The following CAMK1D variants were observed in gnomAD, a reference collection of about 807,000 sequenced individuals.
The protein encoded by CAMK1D is calcium/calmodulin-dependent protein kinase type 1D.
In CAMK1D, 9 loss-of-function variants were observed where a neutral mutation model predicts 47.7. That is an observed-to-expected ratio of 0.19 (90% CI 0.11 to 0.33). The LOEUF is 0.33. CAMK1D is among the 10% of genes least tolerant of loss of function. The pLI is 1.00. For synonymous variants in CAMK1D, 184 were observed against 184.9 expected, an observed-to-expected ratio of 0.99 and a Z score of 0.04; for missense variants, 291 against 488.7, an observed-to-expected ratio of 0.60 and a Z score of 3.81.
Position 12,741,488 on chromosome 10 carries a change from C to G in CAMK1D, c.300-19460C>G, listed in dbSNP as rs185424015. 4.1e-3 allele frequency among the ~76,000 whole-genome samples: 624 copies of G among 152,324 alleles called. 8 individuals carry two copies. Among genetic ancestry groups the G allele is most frequent in the African/African-American group, 0.014 (580 of 41,576 alleles). ...TGCCTTGCTCTGTTTCCATGGACAA[C>G]AAATTTTGTATTGGCTACAGTCTGT... On this transcript the variant is annotated intron_variant, in intron 3 of 10. Transcript: ENST00000619168.
intron 1 of CAMK1D, among the ~76,000 whole-genome samples, chr10:12,480,403 C>A (rs138178548): frequency 6.6e-6 from 1 of 152,046 alleles, no homozygotes; most frequent in Non-Finnish European, 1.5e-5. Context: ...CCACTGCACT[C>A]CAGCTTGAGC....
intron 1 of CAMK1D, among the ~76,000 whole-genome samples, chr10:12,366,057 A>G (rs975639296): frequency 1.3e-5 from 2 of 152,240 alleles, no homozygotes; most frequent in Admixed American, 6.5e-5. Context: ...CTCCGTCTCA[A>G]AAAAACACGT....
chr10:12,818,358 T>A (rs1832886434), intron 8 of CAMK1D, among the ~76,000 whole-genome samples: 1 of 152,226 alleles, frequency 6.6e-6, no homozygotes, highest in African/African-American at 2.4e-5. Context: ...GAAGTTGTAT[T>A]TTCATTTCAG....
At chr10:12,522,662 T>G (rs989654287) in intron 1 of CAMK1D, among the ~76,000 whole-genome samples, 6 of 151,890 alleles carry the variant, frequency 4.0e-5, no homozygotes, top group Non-Finnish European at 5.9e-5. Context: ...CCCTTTTCTA[T>G]TCCACAAAAC....
At chr10:12,825,735 C>T (rs773547418) in intron 10 of CAMK1D, 45 bp downstream of exon 10, 30 of 1,613,224 alleles carry the variant, frequency 1.9e-5, no homozygotes, top group Non-Finnish European at 2.3e-5. Context: ...ACACTGAAGA[C>T]GAGCCTGGGG....
intron 3 of CAMK1D, among the ~76,000 whole-genome samples, chr10:12,680,721 AAGCATTTAGAATTCTGCT>A (rs1248500893): frequency 6.6e-6 from 1 of 152,002 alleles, no homozygotes; most frequent in Non-Finnish European, 1.5e-5. Context: ...GGTTTGAAGG[AAGCATTTAGAATTCTGCT>A]AGATCCCCTT....
intron 2 of CAMK1D, among the ~76,000 whole-genome samples, chr10:12,601,928 A>G (rs1838316348): frequency 6.6e-6 from 1 of 152,224 alleles, no homozygotes; most frequent in African/African-American, 2.4e-5. Context: ...GGAAACAGGA[A>G]GAAGCCCCCT....
At chr10:12,741,225 C>T (rs915737851) in intron 3 of CAMK1D, among the ~76,000 whole-genome samples, 5 of 152,234 alleles carry the variant, frequency 3.3e-5, no homozygotes, top group African/African-American at 1.2e-4. Flanking sequence ...CTCATCACCT[C>T]TCTGAGAGCC....
chr10:12,384,995 T>C (rs1405444592), intron 1 of CAMK1D, among the ~76,000 whole-genome samples: 2 of 152,178 alleles, frequency 1.3e-5, no homozygotes, highest in Non-Finnish European at 2.9e-5. Context: ...AGAAGGTACA[T>C]GAAAAGATGC....
At chr10:12,513,822 C>T (rs970999434) in intron 1 of CAMK1D, among the ~76,000 whole-genome samples, 1 of 151,970 alleles carries the variant, frequency 6.6e-6, no homozygotes, top group Non-Finnish European at 1.5e-5. Flanking sequence ...AAATCAAAAA[C>T]GATGTGATCA....
At chr10:12,485,849 C>T (rs897509600) in intron 1 of CAMK1D, among the ~76,000 whole-genome samples, 10 of 152,148 alleles carry the variant, frequency 6.6e-5, no homozygotes, top group Non-Finnish European at 1.2e-4. Context: ...TGTGAGTATG[C>T]GTCTGTCTCT....
At chr10:12,496,993 G>A (rs1445972857) in intron 1 of CAMK1D, among the ~76,000 whole-genome samples, 1 of 152,174 alleles carries the variant, frequency 6.6e-6, no homozygotes, top group Non-Finnish European at 1.5e-5. Flanking sequence ...TGCGGTGTTT[G>A]GTTTCCTGTT....
In CAMK1D at chr10:12,635,220, G is replaced by C. The variant is rs117506732; in HGVS notation, c.225-31516G>C. Reference sequence around the variant, plus strand: ...GCATAGTGAGAGCCTGGGTATACCTGCCCCGTGGCTGCCCAGGTCTGACCC... The same window carrying C: ...GCATAGTGAGAGCCTGGGTATACCTCCCCCGTGGCTGCCCAGGTCTGACCC... On this transcript the variant is annotated intron_variant, in intron 2 of 10. Transcript: ENST00000619168. Among the ~76,000 whole-genome samples the C allele has an allele frequency of 1.3e-4, 20 of 152,286 alleles. No homozygotes were observed. In the East Asian group the frequency reaches 3.7e-3, roughly 28 times the overall value.
rs529988277 is a variant in CAMK1D at position 12,744,188 on chromosome 10, C to A, written c.300-16760C>A. 2.6e-5 allele frequency among the ~76,000 whole-genome samples: 4 copies of A among 152,170 alleles called. No homozygotes were observed. The South Asian group carries it at 8.3e-4, about 32-fold the overall frequency. On this transcript the variant is annotated intron_variant, in intron 3 of 10. Coordinates refer to ENST00000619168, the MANE Select transcript of CAMK1D (RefSeq NM_153498.4). Reference sequence around the variant, plus strand: ...CGTTTCTTTTTATGGCTAAAATATTCCGTATATGGATTATGTAAATATATT... The same window carrying A: ...CGTTTCTTTTTATGGCTAAAATATTACGTATATGGATTATGTAAATATATT...
chr10:12,464,467 C>T (rs572464206), intron 1 of CAMK1D, among the ~76,000 whole-genome samples: 1 of 152,214 alleles, frequency 6.6e-6, no homozygotes, highest in Admixed American at 6.5e-5. Context: ...TCCCCCACCA[C>T]GTGTACTGTA....
intron 1 of CAMK1D, among the ~76,000 whole-genome samples, chr10:12,523,911 A>T (rs867845948): frequency 1.3e-4 from 20 of 151,618 alleles, no homozygotes; most frequent in African/African-American, 2.7e-4. Flanking sequence ...TTATTTATTT[A>T]TTTTTTTGAG....
chr10:12,630,094 C>A (rs576696294), intron 2 of CAMK1D, among the ~76,000 whole-genome samples: 2 of 152,280 alleles, frequency 1.3e-5, no homozygotes, highest in South Asian at 4.1e-4. Context: ...ACGAGATGGC[C>A]TCTACAGTTC....
chr10:12,648,336 G>A (rs1187289538), intron 2 of CAMK1D, among the ~76,000 whole-genome samples: 1 of 152,164 alleles, frequency 6.6e-6, no homozygotes, highest in Non-Finnish European at 1.5e-5. Context: ...CCTGCCTAGC[G>A]ATGGCGTTTC....
chr10:12,639,202 C>T (rs113928557), intron 2 of CAMK1D, among the ~76,000 whole-genome samples: 1 of 152,328 alleles, frequency 6.6e-6, no homozygotes, highest in African/African-American at 2.4e-5. Flanking sequence ...AAGACCTAAT[C>T]AGGCCGGGTG....
Sources: gnomAD v4.1 joint callset for allele counts (sites outside exome capture counted in the v4.1 genomes callset) on GRCh38, gnomAD v4.1.1 for gene constraint, MANE v1.5 for transcripts, NCBI Gene and HGNC (gene_info 2026-07-23, HGNC 2026-07-21) for gene names.